ELAVL4: variants seen among roughly 807,000 people sequenced by gnomAD.
The protein encoded by ELAVL4 is ELAV like RNA binding protein 4.
A neutral mutation model predicts 35.6 loss-of-function variants in ELAVL4; 1 was observed. The ratio of observed to expected loss-of-function variants is 0.03; its 90% CI spans 0.01 to 0.13. The LOEUF is 0.13. Among genes scored for constraint, ELAVL4 ranks in the 10% least tolerant of loss-of-function variants. The pLI is 1.00. For missense variants in ELAVL4, 267 were observed against 464.9 expected (o/e 0.57, Z 3.91); for synonymous variants, 156 against 171.0 (o/e 0.91, Z 0.69).
intron 1 of ELAVL4, among the ~76,000 whole-genome samples, chr1:50,093,958 C>T (rs1190005621): frequency 6.6e-6 from 1 of 152,152 alleles, no homozygotes; most frequent in Non-Finnish European, 1.5e-5. Context: ...ATAATAATAA[C>T]AGTACCTACC....
At chr1:50,153,580 G>A (rs1366826735) in intron 2 of ELAVL4, among the ~76,000 whole-genome samples, 1 of 152,190 alleles carries the variant, frequency 6.6e-6, no homozygotes, top group African/African-American at 2.4e-5. Context: ...CTCAAAGCAA[G>A]TGTCAAAGAA....
At chr1:50,193,493 G>T (rs1682988287) in intron 3 of ELAVL4, among the ~76,000 whole-genome samples, 1 of 151,890 alleles carries the variant, frequency 6.6e-6, no homozygotes, top group Non-Finnish European at 1.5e-5. Flanking sequence ...TTTAACAGCT[G>T]CCATACAGTA....
At chr1:50,153,905 T>C (rs1675251725) in intron 2 of ELAVL4, among the ~76,000 whole-genome samples, 1 of 152,212 alleles carries the variant, frequency 6.6e-6, no homozygotes, top group African/African-American at 2.4e-5. Flanking sequence ...AAGGCAGCTA[T>C]CTGCAAGCCA....
chr1:50,155,160 C>T (rs1330385449), intron 2 of ELAVL4, among the ~76,000 whole-genome samples: 1 of 143,600 alleles, frequency 7.0e-6, no homozygotes, highest in Admixed American at 6.9e-5. Context: ...TCTCCTAATG[C>T]TATCCCTCCC....
In ELAVL4 at chr1:50,090,921, G is replaced by A. The variant is rs552171240; in HGVS notation, c.18+42739G>A. Among the ~76,000 whole-genome samples, 7 of 152,276 alleles carry A rather than the reference G, an allele frequency of 4.6e-5. No homozygotes were observed. The South Asian group carries it at 1.5e-3, about 32-fold the overall frequency. On this transcript the variant is annotated intron_variant, in intron 1 of 6. Transcript: ENST00000448907. ...GCAGTCAGAGGTAGCCCAAAATGAG[G>A]CAAATTATTGGAAAAGTAGTGAATG... is the stretch of plus-strand genomic sequence containing the variant.
rs139056873 is a variant in ELAVL4, at chr1:50,166,930, A to G, written c.251-10159A>G. 1.4e-4 allele frequency among the ~76,000 whole-genome samples: 21 copies of G among 152,260 alleles called. No individual in the cohort carries two copies. The East Asian group carries it at 3.9e-3, about 28-fold the overall frequency. On this transcript the variant is annotated intron_variant, in intron 2 of 6. Coordinates refer to ENST00000371824, the MANE Select transcript of ELAVL4 (RefSeq NM_001144774.3). ...AATTGTTATTGTGTCTCCTGTTGGCAGCGTTCCTCCCTCTGGAACTAAGAC... is the reference window on the plus strand; with the variant it reads ...AATTGTTATTGTGTCTCCTGTTGGCGGCGTTCCTCCCTCTGGAACTAAGAC...
intron 1 of ELAVL4, among the ~76,000 whole-genome samples, chr1:50,127,046 A>T (rs574806025): frequency 3.3e-5 from 5 of 149,692 alleles, no homozygotes; most frequent in African/African-American, 7.3e-5. Context: ...GAGAACGCTT[A>T]AAAAAAAAGC....
At chr1:50,053,472 C>T (rs927167291) in intron 1 of ELAVL4, among the ~76,000 whole-genome samples, 1 of 152,142 alleles carries the variant, frequency 6.6e-6, no homozygotes, top group Non-Finnish European at 1.5e-5. Flanking sequence ...CCTCAGCCTC[C>T]TGAGTAGCTG....
chr1:50,064,671 G>T (rs1241398070), intron 1 of ELAVL4, among the ~76,000 whole-genome samples: 1 of 152,184 alleles, frequency 6.6e-6, no homozygotes, highest in Non-Finnish European at 1.5e-5. Context: ...CTATGGCAGT[G>T]ACAGGCTGTG....
intron 1 of ELAVL4, among the ~76,000 whole-genome samples, chr1:50,116,854 C>T (rs191872271): frequency 2.0e-5 from 3 of 152,166 alleles, no homozygotes; most frequent in Admixed American, 2.0e-4. Flanking sequence ...ATCCAAAATT[C>T]TTGGTATTAT....
intron 2 of ELAVL4, among the ~76,000 whole-genome samples, chr1:50,157,675 G>T (rs529979053): frequency 6.6e-6 from 1 of 152,324 alleles, no homozygotes; most frequent in Admixed American, 6.5e-5. Context: ...GAGTTCATAA[G>T]AAAGTTTAAT....
intron 6 of ELAVL4, 52 bp downstream of exon 6, chr1:50,197,519 C>A: frequency 6.8e-7 from 1 of 1,465,972 alleles, no homozygotes; most frequent in Admixed American, 2.6e-5. Flanking sequence ...CAGACTGGGG[C>A]TAGAATTTTT....
At chr1:50,108,687 A>G (rs769207821), upstream of ELAVL4, among the ~76,000 whole-genome samples, 1 of 152,154 alleles carries the variant, frequency 6.6e-6, no homozygotes, top group Non-Finnish European at 1.5e-5. Flanking sequence ...GTAAAAATAC[A>G]AGTATGGCTG....
At chr1:50,189,047 ATGAATGAAC>A in intron 3 of ELAVL4, among the ~76,000 whole-genome samples, 1 of 152,312 alleles carries the variant, frequency 6.6e-6, no homozygotes, top group Non-Finnish European at 1.5e-5. Flanking sequence ...AAGGGGAGGA[ATGAATGAAC>A]TCCCATCTTC....
chr1:50,094,704 G>A (rs760777797), intron 1 of ELAVL4, among the ~76,000 whole-genome samples: 3 of 151,444 alleles, frequency 2.0e-5, no homozygotes, highest in Admixed American at 6.6e-5. Flanking sequence ...TCAGGAGTTC[G>A]AGACCAGCCC....
At chr1:50,129,354 G>A (rs1322156146) in intron 1 of ELAVL4, among the ~76,000 whole-genome samples, 6 of 152,214 alleles carry the variant, frequency 3.9e-5, no homozygotes, top group Middle Eastern at 3.4e-3. Context: ...GTTTCCTTGT[G>A]GGGAGCCGGA....
chr1:50,161,590 C>T (rs995536326), intron 2 of ELAVL4, among the ~76,000 whole-genome samples: 9 of 151,966 alleles, frequency 5.9e-5, no homozygotes, highest in Admixed American at 2.0e-4. Flanking sequence ...TTCAGTTTTT[C>T]GTTTATTGAG....
At chr1:50,050,937 T>C (rs949663029) in intron 1 of ELAVL4, among the ~76,000 whole-genome samples, 3 of 152,192 alleles carry the variant, frequency 2.0e-5, no homozygotes, top group Non-Finnish European at 4.4e-5. Flanking sequence ...ACATGCTAGC[T>C]GTTAGTTTTT....
At chr1:50,161,392 T>G (rs1189034373) in intron 2 of ELAVL4, among the ~76,000 whole-genome samples, 2 of 152,230 alleles carry the variant, frequency 1.3e-5, no homozygotes, top group Non-Finnish European at 1.5e-5. Context: ...GTCTGAATAC[T>G]CCTTCTTTTT....
Sources: gnomAD v4.1 joint callset for allele counts (sites outside exome capture counted in the v4.1 genomes callset) on GRCh38, gnomAD v4.1.1 for gene constraint, MANE v1.5 for transcripts, NCBI Gene and HGNC (gene_info 2026-07-23, HGNC 2026-07-21) for gene names.